SAMD4A: variants seen among roughly 807,000 people sequenced by gnomAD.
SAMD4A encodes sterile alpha motif domain containing 4A.
Under a neutral mutation model 81.3 loss-of-function variants are expected in SAMD4A, and 33 were observed. The observed-to-expected ratio is 0.41, with a 90% CI of 0.31 to 0.54. The LOEUF (loss-of-function observed/expected upper bound fraction) is 0.54, where lower values mean the gene tolerates loss of function less well. Among genes scored for constraint, SAMD4A ranks in the 20% least tolerant of loss-of-function variants. SAMD4A has a pLI of 0.37. For missense variants in SAMD4A, 854 were observed against 951.1 expected, an observed-to-expected ratio of 0.90 and a Z score of 1.34; for synonymous variants, 389 against 382.1, an observed-to-expected ratio of 1.02 and a Z score of -0.21.
intron 2 of SAMD4A, among the ~76,000 whole-genome samples, chr14:54,637,982 A>G (rs970906665): frequency 3.3e-5 from 5 of 152,236 alleles, no homozygotes; most frequent in Non-Finnish European, 5.9e-5. Context: ...GAAGGTCTCC[A>G]GCATCAAAGT....
intron 8 of SAMD4A, among the ~76,000 whole-genome samples, chr14:54,768,481 T>G (rs1027450320): frequency 6.6e-6 from 1 of 152,192 alleles, no homozygotes; most frequent in Non-Finnish European, 1.5e-5. Flanking sequence ...GCCCTGCCCA[T>G]CTGCATCCAG....
intron 4 of SAMD4A, among the ~76,000 whole-genome samples, chr14:54,740,352 C>G (rs1288916053): frequency 1.3e-5 from 2 of 152,220 alleles, no homozygotes; most frequent in African/African-American, 2.4e-5. Context: ...GTGCCATCAT[C>G]TAATGCTATT....
intron 2 of SAMD4A, among the ~76,000 whole-genome samples, chr14:54,647,754 T>G (rs2035316759): frequency 6.6e-6 from 1 of 152,204 alleles, no homozygotes; most frequent in Non-Finnish European, 1.5e-5. Context: ...GAGGTCTTAG[T>G]AAAAAATCAG....
chr14:54,689,222 C>T (rs545130063), intron 2 of SAMD4A, among the ~76,000 whole-genome samples: 43 of 152,188 alleles, frequency 2.8e-4, no homozygotes, highest in African/African-American at 9.6e-4. Flanking sequence ...CATGAGCCAC[C>T]GCGCCCGGCC....
intron 2 of SAMD4A, among the ~76,000 whole-genome samples, chr14:54,642,762 C>T (rs1289024255): frequency 6.6e-6 from 1 of 152,186 alleles, no homozygotes; most frequent in Non-Finnish European, 1.5e-5. Flanking sequence ...AAGAGAAAAG[C>T]GTTCTTAGTC....
intron 2 of SAMD4A, among the ~76,000 whole-genome samples, chr14:54,647,015 C>T (rs1442471028): frequency 6.6e-6 from 1 of 152,170 alleles, no homozygotes; most frequent in Non-Finnish European, 1.5e-5. Context: ...ATTTATGTTA[C>T]TTTGACACAT....
intron 4 of SAMD4A, among the ~76,000 whole-genome samples, 191 bp downstream of exon 4, chr14:54,737,478 T>C (rs1442700238): frequency 6.6e-6 from 1 of 151,592 alleles, no homozygotes; most frequent in Non-Finnish European, 1.5e-5. Context: ...CTTCCAGTGC[T>C]TCTTGCCAAA....
chr14:54,721,688 C>T (rs937239913), intron 3 of SAMD4A, among the ~76,000 whole-genome samples: 1 of 152,168 alleles, frequency 6.6e-6, no homozygotes. Context: ...TTCTCATTGG[C>T]AATGGTACCT....
At chr14:54,613,241 G>A (rs1445690901) in intron 2 of SAMD4A, among the ~76,000 whole-genome samples, 1 of 152,196 alleles carries the variant, frequency 6.6e-6, no homozygotes, top group African/African-American at 2.4e-5. Flanking sequence ...GGAGAGCAGA[G>A]ATGCTCACTG....
At chr14:54,749,866 G>A (rs771608344) in intron 5 of SAMD4A, among the ~76,000 whole-genome samples, 7 of 152,228 alleles carry the variant, frequency 4.6e-5, no homozygotes, top group African/African-American at 1.7e-4. Flanking sequence ...GGGCATGGCT[G>A]GTCTGGACGC....
intron 2 of SAMD4A, among the ~76,000 whole-genome samples, chr14:54,584,483 G>T (rs1261684652): frequency 2.0e-5 from 3 of 152,118 alleles, no homozygotes; most frequent in Non-Finnish European, 4.4e-5. Context: ...AATTTTCTTT[G>T]ATCTCAAATC....
intron 4 of SAMD4A, among the ~76,000 whole-genome samples, chr14:54,744,257 G>C (rs1005170552): frequency 9.9e-5 from 15 of 152,048 alleles, no homozygotes; most frequent in Non-Finnish European, 1.9e-4. Flanking sequence ...CTGTCTTCTG[G>C]GGTTTCCTTG....
At position 54,576,645 on chromosome 14, in the gene SAMD4A, G is replaced by A. The variant is rs377594710; in HGVS notation, c.196+8533G>A. Reference sequence around the variant, plus strand: ...TCCTATCTGATGGGGCAGTGGGAAAGGGGGGAGATAGCATTTGCTGAGAGA... The same window carrying A: ...TCCTATCTGATGGGGCAGTGGGAAAAGGGGGAGATAGCATTTGCTGAGAGA... On this transcript the variant is annotated intron_variant, in intron 2 of 12. Coordinates refer to ENST00000554335, the MANE Select transcript of SAMD4A (RefSeq NM_015589.6). Among the ~76,000 whole-genome samples, 258 of 152,300 alleles carry A rather than the reference G, an allele frequency of 1.7e-3. 2 individuals are homozygous for A. Among genetic ancestry groups the A allele is most frequent in the African/African-American group, 6.0e-3 (248 of 41,562 alleles).
intron 2 of SAMD4A, among the ~76,000 whole-genome samples, chr14:54,619,624 A>G (rs1458831157): frequency 6.6e-6 from 1 of 151,922 alleles, no homozygotes; most frequent in African/African-American, 2.4e-5. Flanking sequence ...CCCACTAGTT[A>G]TTTTTCCTGA....
chr14:54,775,290 G>C (rs540041647), intron 10 of SAMD4A, among the ~76,000 whole-genome samples, 155 bp downstream of exon 10: 1 of 152,342 alleles, frequency 6.6e-6, no homozygotes, highest in East Asian at 1.9e-4. Flanking sequence ...CATTGTTCGC[G>C]TTGTTCTCTA....
At chr14:54,720,869 T>C (rs1480983262) in intron 3 of SAMD4A, among the ~76,000 whole-genome samples, 1 of 152,124 alleles carries the variant, frequency 6.6e-6, no homozygotes, top group African/African-American at 2.4e-5. Context: ...TTCTACCACA[T>C]AAATTGCCAT....
At chr14:54,639,467 G>A (rs367599219) in intron 2 of SAMD4A, among the ~76,000 whole-genome samples, 7 of 152,290 alleles carry the variant, frequency 4.6e-5, no homozygotes, top group African/African-American at 1.4e-4. Flanking sequence ...GGCGTGAGGG[G>A]GGCAAAGGAG....
intron 2 of SAMD4A, among the ~76,000 whole-genome samples, chr14:54,658,190 A>G (rs1000730806): frequency 1.3e-5 from 2 of 152,154 alleles, no homozygotes; most frequent in African/African-American, 4.8e-5. Context: ...AGGTGCCCAT[A>G]ATCCCAGCTA....
chr14:54,616,378 G>C (rs2034492173), intron 2 of SAMD4A, among the ~76,000 whole-genome samples: 1 of 152,170 alleles, frequency 6.6e-6, no homozygotes, highest in African/African-American at 2.4e-5. Flanking sequence ...CTGCAGAAAA[G>C]ATCACATACT....
Sources: gnomAD v4.1 joint callset for allele counts (sites outside exome capture counted in the v4.1 genomes callset) on GRCh38, gnomAD v4.1.1 for gene constraint, MANE v1.5 for transcripts, NCBI Gene and HGNC (gene_info 2026-07-23, HGNC 2026-07-21) for gene names.